The following DGKZ variants were observed in gnomAD, a reference collection of about 807,000 sequenced individuals.
DGKZ encodes DAG kinase zeta.
A neutral mutation model predicts 142.5 loss-of-function variants in DGKZ; 45 were observed. The observed-to-expected ratio is 0.32, with a 90% CI of 0.25 to 0.40. DGKZ has a LOEUF of 0.40. Among genes scored for constraint, DGKZ ranks in the 10% least tolerant of loss-of-function variants. The pLI is 1.00. For missense variants in DGKZ, 755 were observed against 1,306.5 expected (o/e 0.58, Z 6.51); for synonymous variants, 442 against 527.0 (o/e 0.84, Z 2.21).
upstream of DGKZ, among the ~76,000 whole-genome samples, chr11:46,344,091 G>A (rs779744563): frequency 6.6e-6 from 1 of 151,262 alleles, no homozygotes; most frequent in Non-Finnish European, 1.5e-5. Flanking sequence ...CTGGGATTAC[G>A]GATGTCCACC....
intron 1 of DGKZ, chr11:46,364,790 A>G (rs1293179726): frequency 1.0e-6 from 1 of 985,306 alleles, no homozygotes; most frequent in African/African-American, 1.7e-5. Flanking sequence ...CGTCCAGGGC[A>G]TCACCCACCA....
chr11:46,365,203 G>A, intron 1 of DGKZ: 1 of 985,436 alleles, frequency 1.0e-6, no homozygotes, highest in Non-Finnish European at 1.2e-6. Context: ...CTGCCTGCAG[G>A]AGGGAGCTCT....
At chr11:46,370,149 C>A in intron 6 of DGKZ, 140 bp downstream of exon 6, 1 of 1,014,814 alleles carries the variant, frequency 9.9e-7, no homozygotes, top group Non-Finnish European at 1.5e-6. Flanking sequence ...GCTGCAGTGC[C>A]TTCAGTTCTC....
At chr11:46,377,922 A>G in intron 25 of DGKZ, 1 of 525,970 alleles carries the variant, frequency 1.9e-6, no homozygotes, top group South Asian at 2.1e-5. Flanking sequence ...GGGGTGCCAC[A>G]TCACCTGTTC....
chr11:46,369,371 G>A (rs757160270), intron 4 of DGKZ, 123 bp from the exon 5 acceptor site: 13 of 1,160,618 alleles, frequency 1.1e-5, no homozygotes, highest in East Asian at 4.8e-5. Flanking sequence ...AAGGACTCTC[G>A]TGACGATTTG....
At chr11:46,354,356 T>TTTTC (rs923739900) in intron 1 of DGKZ, among the ~76,000 whole-genome samples, 3 of 152,054 alleles carry the variant, frequency 2.0e-5, no homozygotes, top group South Asian at 4.1e-4. Flanking sequence ...CGGGCTCATT[T>TTTTC]TTTCTTTCTT....
chr11:46,363,982 G>T (rs1303720108), intron 1 of DGKZ, among the ~76,000 whole-genome samples: 1 of 152,216 alleles, frequency 6.6e-6, no homozygotes, highest in Non-Finnish European at 1.5e-5. Context: ...CCCATCTCTA[G>T]AATGGAGCTG....
At chr11:46,359,664 C>T (rs866020704) in intron 1 of DGKZ, among the ~76,000 whole-genome samples, 2 of 151,704 alleles carry the variant, frequency 1.3e-5, no homozygotes, top group East Asian at 1.9e-4. Context: ...AGTGCAGTGG[C>T]GTGATCTCGG....
rs1479638010 is a variant in DGKZ, at chr11:46,367,518, G to A, written c.270+119G>A. 1.5e-5 allele frequency: 20 copies of A among 1,333,280 alleles called. No individual in the cohort carries two copies. The highest frequency in any genetic ancestry group is 2.0e-5 in the Non-Finnish European group (19 of 971,238). The allele number at this position is 1,333,280 out of a possible 1,614,324, so 82.6% of individuals were successfully genotyped here. A position where few individuals can be genotyped will look rare whatever the true frequency, so the allele number is the denominator to read the frequency against. The stretch of plus-strand genomic sequence containing the variant: ...CAAGCCTGGAAGGGTTGGGACAGTG[G>A]GGCAGACGGAACAGAGCAGGGTCGA... On this transcript the variant is annotated intron_variant, in intron 2 of 30. Transcript: ENST00000527911. This position sits in a 1 kb window ranked among gnomAD's most constrained non-coding sequence, Gnocchi z 4.1.
intron 24 of DGKZ, 106 bp downstream of exon 24, chr11:46,376,670 C>A: frequency 7.0e-7 from 1 of 1,438,114 alleles, no homozygotes; most frequent in Non-Finnish European, 9.7e-7. Context: ...CACCTCTGTC[C>A]TCATGCCTCT....
chr11:46,375,007 G>A lies in DGKZ; in HGVS notation c.1672G>A (p.Gly558Ser), dbSNP rs767268196. The A allele has an allele frequency of 1.9e-6, 3 of 1,610,446 alleles. No homozygotes were observed. The highest frequency in any genetic ancestry group is 1.7e-5 in the Admixed American group (1 of 59,854). Residue 558 changes from glycine to serine, a missense_variant, in exon 19 of 31, where the codon GGC becomes AGC. Physicochemically the swap from Gly to Ser is moderately conservative, Grantham distance 56. This residue lies in a region of DGKZ where 191 missense variants were observed against 472.1 expected (regional missense o/e 0.40). Coordinates refer to ENST00000527911, the Ensembl canonical transcript of DGKZ. ...CTTTGAGCCCCAGCGGCATGACGACGGCTACCTCGAGGTCATTGGCTTCAC... is the reference window on the plus strand; with the variant it reads ...CTTTGAGCCCCAGCGGCATGACGACAGCTACCTCGAGGTCATTGGCTTCAC...
intron 1 of DGKZ, among the ~76,000 whole-genome samples, chr11:46,340,264 G>A (rs887092116): frequency 6.6e-6 from 1 of 152,230 alleles, no homozygotes; most frequent in African/African-American, 2.4e-5. Flanking sequence ...AATAGGATAG[G>A]TAGTAAGGGG....
chr11:46,378,664 T>C (rs1565088547), intron 27 of DGKZ, 164 bp downstream of exon 27: 4 of 1,018,322 alleles, frequency 3.9e-6, no homozygotes, highest in Non-Finnish European at 4.5e-6. Context: ...CTTCACTGTA[T>C]CTCTGTCTAG....
upstream of DGKZ, among the ~76,000 whole-genome samples, chr11:46,346,158 A>T (rs967760589): frequency 2.6e-5 from 4 of 152,216 alleles, no homozygotes; most frequent in Non-Finnish European, 5.9e-5. Context: ...GTTCTTCCTC[A>T]AAATCACAGG....
intron 20 of DGKZ, 83 bp from the exon 21 acceptor site, chr11:46,375,768 C>A: frequency 6.6e-7 from 1 of 1,519,052 alleles, no homozygotes; most frequent in Non-Finnish European, 8.9e-7. Flanking sequence ...GACCTTCTCT[C>A]GGCAAGTGGT....
chr11:46,369,462 G>C (rs750357277), intron 4 of DGKZ, 32 bp from the exon 5 acceptor site: 1 of 1,613,880 alleles, frequency 6.2e-7, no homozygotes, highest in African/African-American at 1.3e-5. Flanking sequence ...GGGAGGTTCT[G>C]ACATTTTGGT....
chr11:46,369,392 C>T (rs781325126), intron 4 of DGKZ, 102 bp from the exon 5 acceptor site: 20 of 1,430,052 alleles, frequency 1.4e-5, no homozygotes, highest in Middle Eastern at 3.5e-4. Context: ...GGGGTATCCC[C>T]ACCTTGTGAG....
chr11:46,360,891 C>T (rs905077720), intron 1 of DGKZ, among the ~76,000 whole-genome samples: 6 of 152,158 alleles, frequency 3.9e-5, no homozygotes, highest in African/African-American at 1.4e-4. Context: ...GGGGGGGTGG[C>T]ATTCCAGTCA....
intron 15 of DGKZ, 46 bp downstream of exon 15, chr11:46,374,281 G>T (rs1421446085): frequency 6.2e-7 from 1 of 1,612,870 alleles, no homozygotes. Context: ...GCACAGGAGT[G>T]TCCCCGGGAG....
Sources: gnomAD v4.1 joint callset for allele counts (sites outside exome capture counted in the v4.1 genomes callset) on GRCh38, gnomAD v4.1.1 for gene constraint, gnomAD v4.1.1 regional missense constraint, Gnocchi (gnomAD v3.1) non-coding constraint, MANE v1.5 for transcripts, NCBI Gene and HGNC (gene_info 2026-07-23, HGNC 2026-07-21) for gene names.